The following CCSER1 variants were observed in gnomAD, a reference collection of about 807,000 sequenced individuals.
CCSER1 encodes the protein serine-rich coiled-coil domain-containing protein 1.
CCSER1 carries 41 observed loss-of-function variants against 82.0 expected under a neutral mutation model. The observed-to-expected ratio is 0.50, with a 90% CI of 0.39 to 0.65. The LOEUF (loss-of-function observed/expected upper bound fraction) is 0.65. Ranked by LOEUF, CCSER1 falls within the 30% of genes least tolerant of loss-of-function variation. The pLI is 0.00. For synonymous variants in CCSER1, 414 were observed against 383.9 expected (o/e 1.08, Z -0.92); for missense variants, 1,119 against 1,064.2 (o/e 1.05, Z -0.72).
intron 7 of CCSER1, among the ~76,000 whole-genome samples, chr4:90,776,461 A>G (rs1752906737): frequency 6.6e-6 from 1 of 152,224 alleles, no homozygotes; most frequent in Non-Finnish European, 1.5e-5. Context: ...ACAAATCCTT[A>G]TTTGAGAAAG....
chr4:91,434,993 G>GTTT (rs1754562695), intron 10 of CCSER1, among the ~76,000 whole-genome samples: 1 of 152,100 alleles, frequency 6.6e-6, no homozygotes, highest in Non-Finnish European at 1.5e-5. Context: ...TGTTGTTGTT[G>GTTT]TTTGTTTGTT....
At position 90,271,862 on chromosome 4, in the gene CCSER1, ATTTTTTTTT is replaced by A. The variant is rs1176154331; in HGVS notation, c.-41-36362_-41-36354del. ...TATATATATATATATATATATATAT[ATTTTTTTTT>A]TTTTTTTTTTTTTTTTTTTAAAAGG... On this transcript the variant is annotated intron_variant, in intron 1 of 10. Coordinates refer to ENST00000509176, the MANE Select transcript of CCSER1 (RefSeq NM_001145065.2). Among the ~76,000 whole-genome samples the A allele has an allele frequency of 3.0e-3, 66 of 21,682 alleles. 1 individual carries two copies. Among genetic ancestry groups the A allele is most frequent in the Admixed American group, 9.7e-3 (12 of 1,234 alleles). The allele number at this position is 21,682 out of a possible 152,430, so 14.2% of individuals were successfully genotyped here. A position where few individuals can be genotyped will look rare whatever the true frequency, so the allele number is the denominator to read the frequency against.
At chr4:91,015,095 A>G (rs1304900913) in intron 9 of CCSER1, among the ~76,000 whole-genome samples, 2 of 152,114 alleles carry the variant, frequency 1.3e-5, no homozygotes, top group Admixed American at 6.5e-5. Flanking sequence ...AATCCATCCC[A>G]TATTTATTAA....
At chr4:90,859,435 C>G (rs978513192) in intron 8 of CCSER1, among the ~76,000 whole-genome samples, 3 of 151,716 alleles carry the variant, frequency 2.0e-5, no homozygotes, top group Admixed American at 1.3e-4. Flanking sequence ...CTTTCTCTAG[C>G]GAAGCTTTAT....
At chr4:90,876,096 T>A (rs191294251) in intron 8 of CCSER1, among the ~76,000 whole-genome samples, 6 of 151,930 alleles carry the variant, frequency 3.9e-5, no homozygotes, top group Non-Finnish European at 8.8e-5. Flanking sequence ...GGAAGGCAAT[T>A]ATGAGAAGAA....
chr4:90,924,097 A>G (rs1728754074), intron 9 of CCSER1, among the ~76,000 whole-genome samples: 1 of 152,136 alleles, frequency 6.6e-6, no homozygotes, highest in Non-Finnish European at 1.5e-5. Flanking sequence ...CATTTTGCCT[A>G]AGTTCATGAC....
chr4:90,564,341 C>A (rs1244900342), intron 5 of CCSER1, among the ~76,000 whole-genome samples: 1 of 152,100 alleles, frequency 6.6e-6, no homozygotes, highest in Non-Finnish European at 1.5e-5. Context: ...AGGCATGAGC[C>A]ACCACACCCA....
intron 1 of CCSER1, among the ~76,000 whole-genome samples, chr4:90,192,663 C>A (rs185751448): frequency 6.6e-6 from 1 of 151,926 alleles, no homozygotes; most frequent in Non-Finnish European, 1.5e-5. Flanking sequence ...GGCCCATAAC[C>A]GTTAATAATG....
chr4:91,175,676 T>C (rs1683896383), intron 10 of CCSER1, among the ~76,000 whole-genome samples: 1 of 152,310 alleles, frequency 6.6e-6, no homozygotes, highest in Non-Finnish European at 1.5e-5. Context: ...CGTTGTTTCA[T>C]TTTTTTCTTG....
In CCSER1 at chr4:90,190,001, TA is replaced by T. The variant is rs71596518; in HGVS notation, c.-42+62171del. ...GAATTAATATCTACTTGCATTTTGT[TA>T]TTGTTTGTGGAACAATAAAAGGTTT... On this transcript the variant is annotated intron_variant, in intron 1 of 10. Transcript: ENST00000509176. Among the ~76,000 whole-genome samples, 795 of 152,146 alleles carry T rather than the reference TA, an allele frequency of 5.2e-3. 1 individual carries two copies. The highest frequency in any genetic ancestry group is 8.6e-3 in the Non-Finnish European group (586 of 67,976).
chr4:91,573,332 G>C (rs1222028202), intron 10 of CCSER1, among the ~76,000 whole-genome samples: 2 of 152,170 alleles, frequency 1.3e-5, no homozygotes, highest in Non-Finnish European at 2.9e-5. Flanking sequence ...CACCAAGGAA[G>C]TAAATCCTGC....
chr4:90,258,927 T>C (rs528154530), intron 1 of CCSER1, among the ~76,000 whole-genome samples: 1 of 152,232 alleles, frequency 6.6e-6, no homozygotes, highest in East Asian at 1.9e-4. Context: ...TACCTCCAGA[T>C]TTGTTCTTTT....
At chr4:90,245,633 A>G (rs939143436) in intron 1 of CCSER1, among the ~76,000 whole-genome samples, 1 of 152,122 alleles carries the variant, frequency 6.6e-6, no homozygotes, top group Non-Finnish European at 1.5e-5. Context: ...ATATTTCCAA[A>G]TGGGTACATG....
At chr4:91,221,938 T>G (rs1311845217) in intron 10 of CCSER1, among the ~76,000 whole-genome samples, 1 of 152,066 alleles carries the variant, frequency 6.6e-6, no homozygotes, top group African/African-American at 2.4e-5. Flanking sequence ...AATAAATAAA[T>G]TATAATGAAT....
chr4:90,891,372 C>T (rs1473477832), intron 8 of CCSER1, among the ~76,000 whole-genome samples: 1 of 151,352 alleles, frequency 6.6e-6, no homozygotes, highest in Admixed American at 6.6e-5. Flanking sequence ...TTTCATTTAA[C>T]TTTAAATTAA....
chr4:91,023,172 G>T lies in CCSER1; in HGVS notation c.2173-62778G>T, dbSNP rs545799859. 2.6e-5 allele frequency among the ~76,000 whole-genome samples: 4 copies of T among 152,126 alleles called. No homozygotes were observed. In the South Asian group the frequency reaches 8.3e-4, roughly 31 times the overall value. ...AAATAAAGGAGAATACAAACAAATGGAAGAGCATTCCATGCTCATGGGTAG... is the reference window on the plus strand; with the variant it reads ...AAATAAAGGAGAATACAAACAAATGTAAGAGCATTCCATGCTCATGGGTAG... On this transcript the variant is annotated intron_variant, in intron 9 of 10. Coordinates refer to ENST00000509176, the MANE Select transcript of CCSER1 (RefSeq NM_001145065.2).
chr4:91,151,068 G>A (rs941817102), intron 10 of CCSER1, among the ~76,000 whole-genome samples: 2 of 152,086 alleles, frequency 1.3e-5, no homozygotes, highest in South Asian at 4.1e-4. Flanking sequence ...TTGTACCTCT[G>A]GTAGAATTTT....
At chr4:90,305,151 C>T (rs1203928799) in intron 1 of CCSER1, among the ~76,000 whole-genome samples, 3 of 152,146 alleles carry the variant, frequency 2.0e-5, no homozygotes, top group African/African-American at 4.8e-5. Context: ...CTCCTGACCT[C>T]GTGATCTGCC....
At chr4:91,374,490 T>C (rs2149328302) in intron 10 of CCSER1, among the ~76,000 whole-genome samples, 1 of 152,322 alleles carries the variant, frequency 6.6e-6, no homozygotes, top group Non-Finnish European at 1.5e-5. Context: ...ACAACAAAGA[T>C]ACTGAATGTT....
Sources: gnomAD v4.1 joint callset for allele counts (sites outside exome capture counted in the v4.1 genomes callset) on GRCh38, gnomAD v4.1.1 for gene constraint, MANE v1.5 for transcripts, NCBI Gene and HGNC (gene_info 2026-07-23, HGNC 2026-07-21) for gene names.